DOCK1: variants seen among roughly 807,000 people sequenced by gnomAD.
DOCK1 encodes the protein dedicator of cytokinesis 1, also known as dedicator of cytokinesis protein 1.
DOCK1 carries 138 observed loss-of-function variants against 262.7 expected under a neutral mutation model. The ratio of observed to expected loss-of-function variants is 0.53; its 90% CI spans 0.46 to 0.61. The LOEUF (loss-of-function observed/expected upper bound fraction) is 0.61, where lower values mean the gene tolerates loss of function less well. DOCK1 is among the 20% of genes least tolerant of loss of function. The pLI is 0.00. For missense variants in DOCK1, 1,908 were observed against 2,370.7 expected (o/e 0.80, Z 4.05); for synonymous variants, 866 against 867.4 (o/e 1.00, Z 0.03).
intron 40 of DOCK1, among the ~76,000 whole-genome samples, chr10:127,406,432 T>C (rs1009306115): frequency 1.3e-5 from 2 of 152,174 alleles, no homozygotes; most frequent in Non-Finnish European, 2.9e-5. Flanking sequence ...CGATTAATAT[T>C]GAACTGACTT....
At chr10:127,269,339 G>T (rs539092943) in intron 29 of DOCK1, among the ~76,000 whole-genome samples, 1 of 152,166 alleles carries the variant, frequency 6.6e-6, no homozygotes, top group Admixed American at 6.5e-5. Context: ...CACAGGTAAG[G>T]GTGTGAAGCA....
intron 27 of DOCK1, among the ~76,000 whole-genome samples, chr10:127,224,239 A>C (rs1428555294): frequency 1.3e-5 from 2 of 152,118 alleles, no homozygotes; most frequent in African/African-American, 4.8e-5. Flanking sequence ...GGATCATGTT[A>C]TTTAAGATGG....
chr10:127,393,713 A>T (rs1306851894), intron 38 of DOCK1, among the ~76,000 whole-genome samples: 1 of 152,136 alleles, frequency 6.6e-6, no homozygotes, highest in Non-Finnish European at 1.5e-5. Context: ...ATGTTCTGTT[A>T]TCTTTCTGTA....
intron 29 of DOCK1, among the ~76,000 whole-genome samples, chr10:127,314,019 A>G (rs2062166911): frequency 6.6e-6 from 1 of 152,182 alleles, no homozygotes; most frequent in African/African-American, 2.4e-5. Context: ...TGCACCCTCT[A>G]GAGAAAATGA....
intron 27 of DOCK1, among the ~76,000 whole-genome samples, chr10:127,207,628 A>G (rs1393068021): frequency 6.6e-6 from 1 of 152,232 alleles, no homozygotes; most frequent in African/African-American, 2.4e-5. Flanking sequence ...GATTGAAAGA[A>G]TAGCTCATAG....
In DOCK1 at chr10:127,418,345, G is replaced by C. The variant is rs779468850; in HGVS notation, c.4516-20G>C. On this transcript the variant is annotated intron_variant, in intron 44 of 51. Transcript: ENST00000623213. ...GAGGCAGCTGTGGGGCTGACATCGG[G>C]CTCTCCTCTCTCTTTGCAGGTGGAA... The C allele has an allele frequency of 3.8e-6, 6 of 1,595,338 alleles. 1 individual carries two copies. The South Asian group carries it at 6.8e-5, about 18-fold the overall frequency.
At chr10:127,417,898 G>C (rs11017990) in intron 44 of DOCK1, among the ~76,000 whole-genome samples, 7,610 of 152,120 alleles carry the variant, frequency 0.05, 302 homozygotes, top group East Asian at 0.17. Context: ...TCACATGATG[G>C]TGTGTGGTGC....
intron 21 of DOCK1, among the ~76,000 whole-genome samples, chr10:127,048,975 T>C (rs1044564388): frequency 1.3e-5 from 2 of 152,192 alleles, no homozygotes; most frequent in Non-Finnish European, 2.9e-5. Flanking sequence ...CTTCTTACTA[T>C]ATCTGTTTAT....
chr10:127,418,869 A>G (rs542099467), intron 45 of DOCK1, among the ~76,000 whole-genome samples: 1 of 152,318 alleles, frequency 6.6e-6, no homozygotes, highest in South Asian at 2.1e-4. Context: ...AAGTTAGACA[A>G]AAACACCAGA....
intron 40 of DOCK1, among the ~76,000 whole-genome samples, chr10:127,407,849 C>T (rs942471388): frequency 5.9e-5 from 9 of 152,088 alleles, no homozygotes; most frequent in African/African-American, 2.2e-4. Flanking sequence ...CAACCCCAGA[C>T]TTCTGTTTCT....
At chr10:127,284,266 G>A (rs952707451) in intron 29 of DOCK1, among the ~76,000 whole-genome samples, 11 of 151,618 alleles carry the variant, frequency 7.3e-5, no homozygotes, top group East Asian at 3.9e-4. Flanking sequence ...CATCTCATTC[G>A]GTTAGGTTTT....
At chr10:126,992,963 T>C (rs543654165) in intron 6 of DOCK1, among the ~76,000 whole-genome samples, 1 of 152,246 alleles carries the variant, frequency 6.6e-6, no homozygotes, top group Non-Finnish European at 1.5e-5. Context: ...CACTGGTTGC[T>C]GAGAACAATG....
Position 126,930,847 on chromosome 10 carries a change from C to T in DOCK1, c.46+25284C>T, listed in dbSNP as rs950007674. ...CCTGGTTTTCTCTAGGTGAGTACCC[C>T]CTACTGGGTTTTTGGCTATTTGGAC... On this transcript the variant is annotated intron_variant, in intron 1 of 51. Coordinates refer to ENST00000623213, the MANE Select transcript of DOCK1 (RefSeq NM_001290223.2). Among the ~76,000 whole-genome samples, 569 of 152,258 alleles carry T rather than the reference C, an allele frequency of 3.7e-3. 3 individuals are homozygous for T. Among genetic ancestry groups the T allele is most frequent in the African/African-American group, 0.01 (430 of 41,550 alleles).
intron 23 of DOCK1, among the ~76,000 whole-genome samples, chr10:127,089,993 G>C (rs547285557): frequency 6.6e-6 from 1 of 152,156 alleles, no homozygotes; most frequent in African/African-American, 2.4e-5. Flanking sequence ...TGTTTGTTGA[G>C]ACACAGCTGA....
intron 33 of DOCK1, among the ~76,000 whole-genome samples, chr10:127,363,010 TCCCCACACACACAC>T (rs1259042930): frequency 1.5e-4 from 6 of 40,650 alleles, no homozygotes; most frequent in South Asian, 7.7e-4. Context: ...CACACGCACA[TCCCCACACACACAC>T]ACACATGCAC....
At chr10:127,303,098 C>A (rs1223398625) in intron 29 of DOCK1, among the ~76,000 whole-genome samples, 1 of 152,122 alleles carries the variant, frequency 6.6e-6, no homozygotes, top group East Asian at 1.9e-4. Flanking sequence ...AGGAGTATTG[C>A]AATAGGTGTC....
At chr10:127,292,203 A>G (rs908881853) in intron 29 of DOCK1, among the ~76,000 whole-genome samples, 12 of 151,734 alleles carry the variant, frequency 7.9e-5, no homozygotes, top group Admixed American at 2.6e-4. Flanking sequence ...TTCTTTTTAA[A>G]TCCTCTGTTT....
At chr10:126,965,147 A>G (rs1048017666) in intron 1 of DOCK1, among the ~76,000 whole-genome samples, 3 of 152,220 alleles carry the variant, frequency 2.0e-5, no homozygotes, top group African/African-American at 7.2e-5. Flanking sequence ...CAGGGAGTTC[A>G]GAAGGAAGCC....
At chr10:127,356,824 T>C (rs2064169898) in intron 32 of DOCK1, among the ~76,000 whole-genome samples, 1 of 152,176 alleles carries the variant, frequency 6.6e-6, no homozygotes, top group Non-Finnish European at 1.5e-5. Context: ...TCTTTTACCC[T>C]GGCCCCTCCT....
Sources: gnomAD v4.1 joint callset for allele counts (sites outside exome capture counted in the v4.1 genomes callset) on GRCh38, gnomAD v4.1.1 for gene constraint, MANE v1.5 for transcripts, NCBI Gene and HGNC (gene_info 2026-07-23, HGNC 2026-07-21) for gene names.